PEAK1: variants seen among roughly 807,000 people sequenced by gnomAD.
PEAK1 encodes pseudopodium enriched atypical kinase 1.
Under a neutral mutation model 124.7 loss-of-function variants are expected in PEAK1, and 54 were observed. The observed-to-expected ratio is 0.43, with a 90% CI of 0.35 to 0.54. The LOEUF (loss-of-function observed/expected upper bound fraction) is 0.54, where lower values mean the gene tolerates loss of function less well. Ranked by LOEUF, PEAK1 falls within the 20% of genes least tolerant of loss-of-function variation. The probability of loss-of-function intolerance (pLI) is 0.01; values close to 1 mark genes in which losing one functional copy is unlikely to be tolerated. For synonymous variants in PEAK1, 719 were observed against 760.0 expected (o/e 0.95, Z 0.89); for missense variants, 2,046 against 2,134.5 (o/e 0.96, Z 0.82).
At chr15:77,132,826 T>A (rs867601285) in intron 9 of PEAK1, among the ~76,000 whole-genome samples, 179 bp downstream of exon 9, 2 of 151,954 alleles carry the variant, frequency 1.3e-5, no homozygotes, top group African/African-American at 4.8e-5. Context: ...AAGTTACGTA[T>A]CTGTTTTCTT....
At chr15:77,357,247 G>A (rs1335891952) in intron 2 of PEAK1, among the ~76,000 whole-genome samples, 2 of 152,232 alleles carry the variant, frequency 1.3e-5, no homozygotes, top group Non-Finnish European at 2.9e-5. Context: ...TTCAGCCTGA[G>A]TGACAGAGTA....
chr15:77,107,566 C>T (rs1749099897), downstream of PEAK1: 1 of 152,258 alleles, frequency 6.6e-6, no homozygotes, highest in African/African-American at 2.4e-5. Context: ...CATCTATTCT[C>T]CTCTCATAAT....
chr15:77,205,611 C>A (rs2058602493), intron 6 of PEAK1, among the ~76,000 whole-genome samples: 1 of 152,118 alleles, frequency 6.6e-6, no homozygotes, highest in South Asian at 2.1e-4. Context: ...TTGGTTGTGG[C>A]AGTCCTGTTT....
chr15:77,265,473 G>A (rs1187251311), intron 5 of PEAK1, among the ~76,000 whole-genome samples: 2 of 152,182 alleles, frequency 1.3e-5, no homozygotes, highest in African/African-American at 4.8e-5. Flanking sequence ...CTCAAAAGAA[G>A]ACATTTATGC....
At chr15:77,192,504 C>T (rs1325047851) in intron 6 of PEAK1, among the ~76,000 whole-genome samples, 2 of 152,242 alleles carry the variant, frequency 1.3e-5, no homozygotes, top group African/African-American at 2.4e-5. Flanking sequence ...AAAAACTAAA[C>T]TATCCCCCAA....
chr15:77,366,878 G>A (rs568808826), intron 1 of PEAK1, among the ~76,000 whole-genome samples: 3 of 152,288 alleles, frequency 2.0e-5, no homozygotes, highest in Admixed American at 2.0e-4. Context: ...AAATCTTTCT[G>A]GAATCCCAGC....
chr15:77,196,592 C>G (rs373269833), intron 6 of PEAK1, among the ~76,000 whole-genome samples: 1 of 152,042 alleles, frequency 6.6e-6, no homozygotes, highest in East Asian at 1.9e-4. Flanking sequence ...AAAACATGGG[C>G]TTTGGAGAAA....
At chr15:77,355,499 G>A (rs548284400) in intron 2 of PEAK1, among the ~76,000 whole-genome samples, 51 of 152,198 alleles carry the variant, frequency 3.4e-4, no homozygotes, top group African/African-American at 1.2e-3. Context: ...TTATAATTGC[G>A]CAAGTCACAA....
chr15:77,152,303 G>T (rs1435133360), intron 8 of PEAK1, among the ~76,000 whole-genome samples: 1 of 152,180 alleles, frequency 6.6e-6, no homozygotes, highest in Middle Eastern at 3.4e-3. Context: ...TGTTATTGGT[G>T]TATAAGAATG....
intron 8 of PEAK1, among the ~76,000 whole-genome samples, chr15:77,141,128 G>A (rs1260223904): frequency 6.6e-6 from 1 of 152,186 alleles, no homozygotes; most frequent in Non-Finnish European, 1.5e-5. Flanking sequence ...ATATAATCGT[G>A]TATATTGAGA....
rs964135314 is a variant in PEAK1, at chr15:77,200,008, A to C, written c.-114-17968T>G. The stretch of plus-strand genomic sequence containing the variant: ...TTTAGAGAAATAAAATAGCAAAAAA[A>C]TTCAGACAAATTACAATATATTTCC... On this transcript the variant is annotated intron_variant, in intron 6 of 9. Transcript: ENST00000682557. 1.1e-4 allele frequency among the ~76,000 whole-genome samples: 17 copies of C among 152,364 alleles called. No individual in the cohort carries two copies. In the South Asian group the frequency reaches 1.9e-3, roughly 17 times the overall value.
chr15:77,359,886 C>T (rs887448660), intron 2 of PEAK1, among the ~76,000 whole-genome samples: 2 of 152,172 alleles, frequency 1.3e-5, no homozygotes, highest in Non-Finnish European at 2.9e-5. Flanking sequence ...TCAACACAAT[C>T]AAAATCTAGC....
At chr15:77,286,282 T>C (rs2062927203) in intron 3 of PEAK1, 141 bp downstream of exon 3, 1 of 409,110 alleles carries the variant, frequency 2.4e-6, no homozygotes, top group African/African-American at 2.0e-5. Context: ...AAAGAGCATG[T>C]CTTATTCACC....
Position 77,353,044 on chromosome 15 carries a change from A to C in PEAK1, c.-603+12119T>G, listed in dbSNP as rs549028868. The C allele has an allele frequency of 1.6e-4, 157 of 977,648 alleles. No homozygotes were observed. The African/African-American group carries it at 2.5e-3, about 16-fold the overall frequency. The allele number at this position is 977,648 out of a possible 1,614,324, so 60.6% of individuals were successfully genotyped here. On this transcript the variant is annotated intron_variant, in intron 2 of 9. Coordinates refer to ENST00000682557, the MANE Select transcript of PEAK1 (RefSeq NM_001385026.1). ...TGGCTAATAGCAAAGAAAACCATGA[A>C]CCCTCTGAGGCCAATTTCCATCCAG... is the stretch of plus-strand genomic sequence containing the variant.
At chr15:77,220,984 T>C (rs1256202109) in intron 6 of PEAK1, among the ~76,000 whole-genome samples, 5 of 152,084 alleles carry the variant, frequency 3.3e-5, no homozygotes, top group African/African-American at 1.2e-4. Context: ...GAAAGACTAA[T>C]AAATAACAAG....
At chr15:77,247,572 G>A (rs11634056) in intron 6 of PEAK1, among the ~76,000 whole-genome samples, 23,389 of 136,646 alleles carry the variant, frequency 0.17, 2,249 homozygotes, top group Middle Eastern at 0.33. Context: ...TCCTGGGTTC[G>A]AGAGATTCTT....
chr15:77,120,172 G>C (rs115134904), intron 9 of PEAK1, among the ~76,000 whole-genome samples: 3,286 of 152,256 alleles, frequency 0.022, 115 homozygotes, highest in African/African-American at 0.074. Context: ...AAGTGCTGGT[G>C]TTTGGAGTGC....
intron 1 of PEAK1, among the ~76,000 whole-genome samples, chr15:77,396,580 G>A (rs2070903625): frequency 6.6e-6 from 1 of 152,058 alleles, no homozygotes; most frequent in South Asian, 2.1e-4. Flanking sequence ...TAAAGAAATG[G>A]AAAAAGATAT....
In PEAK1 at chr15:77,326,751, G is replaced by T. The variant is rs564333738; in HGVS notation, c.-603+38412C>A. On this transcript the variant is annotated intron_variant, in intron 2 of 9. Coordinates refer to ENST00000682557, the MANE Select transcript of PEAK1 (RefSeq NM_001385026.1). ...TCCACCAAACACAGAATTAATCAGG[G>T]TCTATATTCTTGATACTATTCTATT... Among the ~76,000 whole-genome samples the T allele has an allele frequency of 5.9e-5, 9 of 152,150 alleles. No homozygotes were observed. The South Asian group carries it at 1.7e-3, about 28-fold the overall frequency.
Sources: gnomAD v4.1 joint callset for allele counts (sites outside exome capture counted in the v4.1 genomes callset) on GRCh38, gnomAD v4.1.1 for gene constraint, MANE v1.5 for transcripts, NCBI Gene and HGNC (gene_info 2026-07-23, HGNC 2026-07-21) for gene names.